Variants in ZNF705A observed in about 807,000 individuals in gnomAD.
ZNF705A encodes zinc finger protein 705A.
ZNF705A carries 8 observed loss-of-function variants against 16.6 expected under a neutral mutation model. The observed-to-expected ratio is 0.48, with a 90% CI of 0.28 to 0.87. The LOEUF (loss-of-function observed/expected upper bound fraction) is 0.87. Among genes scored for constraint, ZNF705A ranks in the 40% least tolerant of loss-of-function variants. The pLI, the probability that ZNF705A is intolerant of heterozygous loss-of-function variation, is 0.10. For synonymous variants in ZNF705A, 73 were observed against 117.3 expected (o/e 0.62, Z 2.44); for missense variants, 233 against 359.9 (o/e 0.65, Z 2.85).
chr12:8,159,121 G>A (rs964393565), intron 1 of ZNF705A, among the ~76,000 whole-genome samples: 5 of 151,998 alleles, frequency 3.3e-5, no homozygotes, highest in Non-Finnish European at 7.4e-5. Flanking sequence ...TCTCATCCAC[G>A]TCCCTGCAAA....
chr12:8,179,381 C>T (rs1182830838), exon 5 of ZNF705A: 1 of 152,212 alleles, frequency 6.6e-6, no homozygotes, highest in Non-Finnish European at 1.5e-5. Flanking sequence ...ATGTACTTTT[C>T]CCGAAGCAAA....
chr12:8,164,912 C>T (rs960555046), intron 1 of ZNF705A, among the ~76,000 whole-genome samples: 1 of 152,198 alleles, frequency 6.6e-6, no homozygotes, highest in African/African-American at 2.4e-5. Context: ...AATCACCATA[C>T]TGTCTTCCAC....
chr12:8,174,250 A>G (rs1948467097), intron 1 of ZNF705A, 76 bp from the exon 3 acceptor site: 6 of 1,596,262 alleles, frequency 3.8e-6, no homozygotes, highest in Non-Finnish European at 4.2e-6. Context: ...GCTCCTAGCT[A>G]TGTCATCTCA....
intron 1 of ZNF705A, among the ~76,000 whole-genome samples, chr12:8,160,661 T>G (rs1384890518): frequency 1.3e-5 from 2 of 152,064 alleles, no homozygotes; most frequent in African/African-American, 4.8e-5. Flanking sequence ...GCTACTGATT[T>G]TTGTACCTTA....
chr12:8,177,168 A>C, exon 5 of ZNF705A: 1 of 1,612,026 alleles, frequency 6.2e-7, no homozygotes, highest in Non-Finnish European at 8.5e-7. Context: ...AAACCACATA[A>C]ACAAATTCAT....
Position 8,175,921 on chromosome 12 carries a change from C to T in ZNF705A, c.297C>T (p.Asp99=), listed in dbSNP as rs375681214. The change falls in exon 4 of 5, where the codon GAC becomes GAT. Residue 99 remains aspartate (D), a synonymous_variant. Coordinates refer to ENST00000359286, the Ensembl canonical transcript of ZNF705A. ...CCATGCATCCTATCACCAGAAAAGA[C>T]GCATCCACCAGTATGACAATGGTAA... 266 of 1,611,306 alleles carry T rather than the reference C, an allele frequency of 1.7e-4. 2 individuals are homozygous for T. The highest frequency in any genetic ancestry group is 6.4e-4 in the South Asian group (58 of 90,974).
intron 1 of ZNF705A, among the ~76,000 whole-genome samples, chr12:8,157,843 G>C (rs1948322149): frequency 6.6e-6 from 1 of 152,144 alleles, no homozygotes; most frequent in Non-Finnish European, 1.5e-5. Flanking sequence ...GAGCCAAAGT[G>C]AGGGCAGAAG....
upstream of ZNF705A, chr12:8,172,464 G>C: frequency 1.1e-6 from 1 of 949,750 alleles, no homozygotes; most frequent in Non-Finnish European, 1.7e-6. Flanking sequence ...TGCAGCTGGT[G>C]TCACACTTCA....
At chr12:8,170,197 A>C (rs1258059282), upstream of ZNF705A, among the ~76,000 whole-genome samples, 202 of 100,040 alleles carry the variant, frequency 2.0e-3, no homozygotes, top group East Asian at 0.022. Context: ...CCCCCCCCCC[A>C]AAAAAAAAAA....
chr12:8,158,443 A>G (rs1948326727), intron 1 of ZNF705A, among the ~76,000 whole-genome samples: 1 of 152,068 alleles, frequency 6.6e-6, no homozygotes, highest in Non-Finnish European at 1.5e-5. Flanking sequence ...TTTGAGATTT[A>G]TCTATGTTAT....
chr12:8,162,664 G>T (rs1475630633), intron 1 of ZNF705A, among the ~76,000 whole-genome samples: 1 of 152,090 alleles, frequency 6.6e-6, no homozygotes, highest in African/African-American at 2.4e-5. Context: ...CCCACGGAGA[G>T]CAAGAAAAGT....
intron 1 of ZNF705A, among the ~76,000 whole-genome samples, chr12:8,159,421 A>C (rs896637785): frequency 5.3e-5 from 8 of 152,190 alleles, no homozygotes; most frequent in African/African-American, 1.7e-4. Flanking sequence ...GTACATTCCC[A>C]CCAGCAGTGT....
In ZNF705A at chr12:8,176,993, C is replaced by T. The variant is rs759203040; in HGVS notation, c.319-6C>T. The stretch of plus-strand genomic sequence containing the variant: ...CCATTAAGAGCTTTTAATCTTTGTC[C>T]CAAAGGAGAACTCTCTCATTCTGGA... On this transcript the variant is annotated splice_polypyrimidine_tract_variant and splice_region_variant and intron_variant, in intron 4 of 4. Coordinates refer to ENST00000359286, the Ensembl canonical transcript of ZNF705A. 36 of 1,609,362 alleles carry T rather than the reference C, an allele frequency of 2.2e-5. No individual in the cohort carries two copies. The highest frequency in any genetic ancestry group is 4.5e-4 in the Middle Eastern group (2 of 4,426).
chr12:8,162,860 C>T (rs1205618990), intron 1 of ZNF705A, among the ~76,000 whole-genome samples: 1 of 152,214 alleles, frequency 6.6e-6, no homozygotes, highest in African/African-American at 2.4e-5. Context: ...ACCCCACTTG[C>T]TCCTGGTCTG....
rs781049343 is a variant in ZNF705A at position 8,178,779 on chromosome 12, C to T, written c.*1196C>T. 1.4e-4 allele frequency: 21 copies of T among 152,326 alleles called. 1 individual carries two copies. Among genetic ancestry groups the T allele is most frequent in the South Asian group, 4.1e-4 (2 of 4,830 alleles). 9.4% of individuals were successfully genotyped at this position (152,326 alleles called of 1,614,324 possible). ...TTGTTGAAAAAACTTAGTATGTTGG[C>T]GAAGCCCTTGTTTCATTTATGCAGC... is the stretch of plus-strand genomic sequence containing the variant. On this transcript the variant is annotated 3_prime_UTR_variant, in exon 5 of 5. Coordinates refer to ENST00000359286, the Ensembl canonical transcript of ZNF705A.
intron 1 of ZNF705A, among the ~76,000 whole-genome samples, chr12:8,164,660 T>C (rs767062852): frequency 6.8e-4 from 103 of 152,326 alleles, no homozygotes; most frequent in Non-Finnish European, 1.3e-3. Context: ...CCAAAGAACA[T>C]GATCTCATTC....
chr12:8,173,815 C>T (rs1015646558), intron 1 of ZNF705A, among the ~76,000 whole-genome samples: 15 of 152,118 alleles, frequency 9.9e-5, no homozygotes, highest in East Asian at 5.8e-4. Context: ...ATAGGAAACA[C>T]GTTTTCTATT....
chr12:8,177,381 G>A (rs1223022805), exon 5 of ZNF705A: 1 of 1,611,870 alleles, frequency 6.2e-7, no homozygotes, highest in African/African-American at 1.3e-5. Flanking sequence ...CATCAATGTG[G>A]GAAAGCCTTT....
exon 5 of ZNF705A, chr12:8,178,646 A>G (rs1214038054): frequency 1.3e-5 from 2 of 152,286 alleles, no homozygotes; most frequent in African/African-American, 4.8e-5. Context: ...ATATAAATGC[A>G]TAATAGTAAA....
Sources: allele counts gnomAD v4.1 joint callset (sites outside exome capture counted in the v4.1 genomes callset), GRCh38; gene constraint gnomAD v4.1.1; transcripts MANE v1.5; gene names NCBI Gene and HGNC (gene_info 2026-07-23, HGNC 2026-07-21).